The following NLRP5 variants were observed in gnomAD, a reference collection of about 807,000 sequenced individuals.
NLRP5 encodes NLR family pyrin domain containing 5, also known as NACHT, LRR and PYD domains-containing protein 5.
Under a neutral mutation model 113.1 loss-of-function variants are expected in NLRP5, and 93 were observed. The ratio of observed to expected loss-of-function variants is 0.82; its 90% confidence interval spans 0.70 to 0.98. The LOEUF (loss-of-function observed/expected upper bound fraction) is 0.98. Ranked by LOEUF, NLRP5 falls within the 50% of genes least tolerant of loss-of-function variation. The pLI is 0.00. For missense variants in NLRP5, 1,808 were observed against 1,514.3 expected (o/e 1.19, Z -3.22); for synonymous variants, 751 against 600.7 (o/e 1.25, Z -3.66).
rs1429680732 is a variant in NLRP5 at position 56,026,954 on chromosome 19, A to G, written c.721A>G (p.Thr241Ala). ...ATGGGACTACAAGAGTCACGTGATG[A>G]CCAAATTCGCTGAGGAGGAGGATGT... Residue 241 changes from threonine to alanine, a missense_variant, in exon 7 of 15, where the codon ACC becomes GCC. Transcript: ENST00000390649. 5 of 1,551,612 alleles carry G rather than the reference A, an allele frequency of 3.2e-6. No homozygotes were observed. Among genetic ancestry groups the G allele is most frequent in the Non-Finnish European group, 3.5e-6 (4 of 1,147,008 alleles).
At chr19:56,042,430 A>G (rs922059944) in intron 11 of NLRP5, among the ~76,000 whole-genome samples, 1 of 151,766 alleles carries the variant, frequency 6.6e-6, no homozygotes, top group Non-Finnish European at 1.5e-5. Flanking sequence ...TGCAACCTCC[A>G]CCTCCCCTCC....
At position 56,033,454 on chromosome 19, in the gene NLRP5, A is replaced by T. The variant is rs1599897654; in HGVS notation, c.2448-88A>T. 15 of 1,045,652 alleles carry T rather than the reference A, an allele frequency of 1.4e-5. No individual in the cohort carries two copies. The East Asian group carries it at 3.6e-4, about 25-fold the overall frequency. 64.8% of individuals were successfully genotyped at this position (1,045,652 alleles called of 1,614,324 possible). On this transcript the variant is annotated intron_variant, in intron 8 of 14. Transcript: ENST00000390649. ...AAATACAATTAATTAGAAATTTGCA[A>T]GTTAGAATGGGAGAAGGATGGGAAG...
intron 3 of NLRP5, among the ~76,000 whole-genome samples, chr19:56,015,448 G>A (rs927319706): frequency 1.2e-4 from 18 of 152,126 alleles, no homozygotes; most frequent in African/African-American, 3.9e-4. Flanking sequence ...CGCCTGCCTC[G>A]GCCTCCCAAA....
chr19:56,007,483 C>T (rs902112480), intron 2 of NLRP5, among the ~76,000 whole-genome samples: 2 of 150,666 alleles, frequency 1.3e-5, no homozygotes, highest in Admixed American at 6.6e-5. Context: ...GCGGAGTTGC[C>T]TGAGCATGGT....
rs975252017 is a variant in NLRP5 at position 56,054,427 on chromosome 19, G to C, written c.3299+619G>C. On this transcript the variant is annotated intron_variant, in intron 13 of 14. Coordinates refer to ENST00000390649, the MANE Select transcript of NLRP5 (RefSeq NM_153447.4). Reference sequence around the variant, plus strand: ...ACAAAAATTAGCCAGGTGTGGTGGCGCATGCTTGTAATCCCAGCTATTCGG... The same window carrying C: ...ACAAAAATTAGCCAGGTGTGGTGGCCCATGCTTGTAATCCCAGCTATTCGG... Among the ~76,000 whole-genome samples the C allele has an allele frequency of 3.9e-5, 6 of 152,084 alleles. No individual in the cohort carries two copies. In the South Asian group the frequency reaches 1.2e-3, roughly 32 times the overall value.
rs747232288 is a variant in NLRP5 at position 56,027,128 on chromosome 19, A to G, written c.895A>G (p.Ile299Val). Reference sequence around the variant, plus strand: ...TGGGAAATCGGCTCTAGCCAGAAGGATCGTGCTGTGCTGGGCGCAAGGTGG... The same window carrying G: ...TGGGAAATCGGCTCTAGCCAGAAGGGTCGTGCTGTGCTGGGCGCAAGGTGG... Residue 299 changes from isoleucine (I) to valine (V), a missense_variant, in exon 7 of 15, where the codon ATC (isoleucine) becomes GTC (valine). Coordinates refer to ENST00000390649, the MANE Select transcript of NLRP5 (RefSeq NM_153447.4). 8.8e-6 allele frequency: 14 copies of G among 1,593,240 alleles called. No individual in the cohort carries two copies. The African/African-American group carries it at 1.6e-4, about 18-fold the overall frequency.
At chr19:56,046,543 CTTG>C (rs1983734088) in intron 11 of NLRP5, among the ~76,000 whole-genome samples, 1 of 147,876 alleles carries the variant, frequency 6.8e-6, no homozygotes, top group East Asian at 1.9e-4. Context: ...GGTACCACTT[CTTG>C]TTTTTTTTTT....
intron 3 of NLRP5, among the ~76,000 whole-genome samples, chr19:56,014,254 G>A (rs1450550632): frequency 3.9e-5 from 6 of 152,092 alleles, no homozygotes; most frequent in Admixed American, 3.9e-4. Flanking sequence ...GGCCAAGGCG[G>A]TGGATCACAA....
intron 2 of NLRP5, among the ~76,000 whole-genome samples, chr19:56,008,390 G>C (rs944436646): frequency 2.0e-5 from 3 of 152,074 alleles, no homozygotes; most frequent in Non-Finnish European, 4.4e-5. Flanking sequence ...AGTCAATCTT[G>C]GACCTTGTAA....
Position 56,058,334 on chromosome 19 carries a change from A to G in NLRP5, c.3394A>G (p.Asn1132Asp), listed in dbSNP as rs778867015. The G allele has an allele frequency of 1.2e-6, 2 of 1,614,024 alleles. No homozygotes were observed. Among genetic ancestry groups the G allele is most frequent in the Non-Finnish European group, 1.7e-6 (2 of 1,179,890 alleles). Residue 1132 changes from asparagine to aspartate, a missense_variant, in exon 14 of 15, where the codon AAT becomes GAT. Asn to Asp is a conservative substitution (Grantham distance 23). Coordinates refer to ENST00000390649, the MANE Select transcript of NLRP5 (RefSeq NM_153447.4). ...TCTGACCAGTCTAAACCTGGTGCAG[A>G]ATAACTTCAGTCCCAAAGGAATGAT...
At chr19:56,021,118 C>G (rs147208998) in intron 6 of NLRP5, among the ~76,000 whole-genome samples, 3,095 of 152,174 alleles carry the variant, frequency 0.02, 48 homozygotes, top group Non-Finnish European at 0.033. Context: ...GATCTGCCCA[C>G]CTTAGCCTCC....
At chr19:55,991,621 G>T in the NLRP5 span, among the ~76,000 whole-genome samples, 1 of 151,966 alleles carries the variant, frequency 6.6e-6, no homozygotes, top group Non-Finnish European at 1.5e-5. Context: ...TTTTGTGTGG[G>T]ATTTCATCGT....
chr19:55,999,502 C>T (rs1008102568), upstream of NLRP5, among the ~76,000 whole-genome samples: 10 of 152,190 alleles, frequency 6.6e-5, no homozygotes, highest in East Asian at 1.9e-4. Context: ...GCTTGTGTAC[C>T]GTGACATACT....
In NLRP5 at chr19:56,028,197, G is replaced by A. The variant is rs751902668; in HGVS notation, c.1964G>A (p.Cys655Tyr). 5 of 1,613,948 alleles carry A rather than the reference G, an allele frequency of 3.1e-6. No homozygotes were observed. The South Asian group carries it at 4.4e-5, about 14-fold the overall frequency. The change falls in exon 7 of 15, where the codon TGT (cysteine) becomes TAT (tyrosine). Residue 655 changes from cysteine to tyrosine, a missense_variant. Physicochemically the swap from Cys to Tyr is radical, Grantham distance 194. Transcript: ENST00000390649. ...AGGCCACTGGAGGTCCTGCTGGGCT[G>A]TCCCGTTCCCCTGGGGGTGAAGCAG... is the stretch of plus-strand genomic sequence containing the variant.
intron 4 of NLRP5, among the ~76,000 whole-genome samples, chr19:56,018,039 G>A (rs1021333718): frequency 6.6e-6 from 1 of 152,126 alleles, no homozygotes. Flanking sequence ...TTTTTACACA[G>A]TTCTTCCCAT....
chr19:56,006,594 T>A (rs1490243504), intron 2 of NLRP5, among the ~76,000 whole-genome samples: 3 of 151,728 alleles, frequency 2.0e-5, no homozygotes, highest in Non-Finnish European at 2.9e-5. Flanking sequence ...TAGCCAGGCA[T>A]GGTGGCACAC....
upstream of NLRP5, among the ~76,000 whole-genome samples, chr19:55,999,295 A>ACCTCTGCC: frequency 6.9e-6 from 1 of 145,378 alleles, no homozygotes; most frequent in Admixed American, 7.1e-5. Flanking sequence ...GCTCACTGCA[A>ACCTCTGCC]CCTCTGCCTC....
intron 10 of NLRP5, among the ~76,000 whole-genome samples, chr19:56,040,051 A>G (rs941379587): frequency 5.3e-5 from 8 of 152,158 alleles, no homozygotes; most frequent in African/African-American, 2.4e-5. Flanking sequence ...CCCAGGCTCC[A>G]GGGATCCTCC....
chr19:56,018,148 A>G (rs1031077379), intron 4 of NLRP5, among the ~76,000 whole-genome samples: 1 of 152,200 alleles, frequency 6.6e-6, no homozygotes, highest in African/African-American at 2.4e-5. Context: ...AATTTTTCAT[A>G]CAATAACCAA....
Sources: allele counts gnomAD v4.1 joint callset (sites outside exome capture counted in the v4.1 genomes callset), GRCh38; gene constraint gnomAD v4.1.1; transcripts MANE v1.5; gene names NCBI Gene and HGNC (gene_info 2026-07-23, HGNC 2026-07-21).